The following SORCS2 variants were observed in gnomAD, a reference collection of about 807,000 sequenced individuals.
The protein encoded by SORCS2 is sortilin related VPS10 domain containing receptor 2.
A neutral mutation model predicts 141.6 loss-of-function variants in SORCS2; 100 were observed. The observed-to-expected ratio is 0.71, with a 90% CI of 0.60 to 0.83. The LOEUF (loss-of-function observed/expected upper bound fraction) is 0.83. Among genes scored for constraint, SORCS2 ranks in the 40% least tolerant of loss-of-function variants. SORCS2 has a pLI of 0.00. For synonymous variants in SORCS2, 789 were observed against 676.9 expected (o/e 1.17, Z -2.57); for missense variants, 1,646 against 1,560.2 (o/e 1.05, Z -0.93).
intron 1 of SORCS2, among the ~76,000 whole-genome samples, chr4:7,357,576 T>C (rs949272585): frequency 1.3e-4 from 20 of 152,236 alleles, no homozygotes; most frequent in Non-Finnish European, 1.9e-4. Flanking sequence ...TGAGTGATAA[T>C]TCTGCCCTTT....
rs1337992828 is a variant in SORCS2 at position 7,373,476 on chromosome 4, ATATTTTTTTTTTTTTTTT to A, written c.481-22810_481-22793del. ...GAAACTTTTATATATATATATATAT[ATATTTTTTTTTTTTTTTT>A]TTTTTTTTTTTTGAGTCGGGGTCTC... On this transcript the variant is annotated intron_variant, in intron 1 of 26. Coordinates refer to ENST00000507866, the MANE Select transcript of SORCS2 (RefSeq NM_020777.3). Among the ~76,000 whole-genome samples, 14 of 44,586 alleles carry A rather than the reference ATATTTTTTTTTTTTTTTT, an allele frequency of 3.1e-4. No individual in the cohort carries two copies. In the Admixed American group the frequency reaches 4.4e-3, roughly 14 times the overall value. 29.3% of individuals were successfully genotyped at this position (44,586 alleles called of 152,430 possible).
chr4:7,697,431 C>T (rs1458525573), intron 12 of SORCS2, among the ~76,000 whole-genome samples, 157 bp downstream of exon 12: 2 of 152,218 alleles, frequency 1.3e-5, no homozygotes, highest in Non-Finnish European at 2.9e-5. Context: ...GGAGCCAGGG[C>T]TCACTTTAGC....
intron 2 of SORCS2, chr4:7,434,388 C>A: frequency 1.9e-6 from 3 of 1,607,086 alleles, no homozygotes; most frequent in Non-Finnish European, 2.5e-6. Flanking sequence ...TGGCCATGAA[C>A]GGAGCCACAG....
In SORCS2 at chr4:7,740,489, G is replaced by T; in HGVS notation, c.*225G>T. ...CCCGGACATGGCCCTGCCCCTATGG[G>T]ACACCAGGCCTGACTCAGGCAGGTT... On this transcript the variant is annotated 3_prime_UTR_variant, in exon 27 of 27. Transcript: ENST00000507866. The T allele has an allele frequency of 1.8e-6, 1 of 567,996 alleles. No homozygotes were observed. Among genetic ancestry groups the T allele is most frequent in the Non-Finnish European group, 3.2e-6 (1 of 315,386 alleles). 35.2% of individuals were successfully genotyped at this position (567,996 alleles called of 1,614,324 possible). A position where few individuals can be genotyped will look rare whatever the true frequency, so the allele number is the denominator to read the frequency against.
chr4:7,415,890 C>CT, intron 2 of SORCS2, among the ~76,000 whole-genome samples: 1 of 152,342 alleles, frequency 6.6e-6, no homozygotes. Context: ...GTTGAGGGCC[C>CT]TGCAGAAGAG....
At chr4:7,714,843 C>T (rs1726084785) in intron 16 of SORCS2, among the ~76,000 whole-genome samples, 1 of 152,210 alleles carries the variant, frequency 6.6e-6, no homozygotes, top group African/African-American at 2.4e-5. Context: ...GCATTGCAGC[C>T]TCCTCCACCT....
At chr4:7,613,726 C>G (rs1181242006) in intron 3 of SORCS2, among the ~76,000 whole-genome samples, 1 of 152,134 alleles carries the variant, frequency 6.6e-6, no homozygotes, top group Non-Finnish European at 1.5e-5. Context: ...GTGTGAGGCC[C>G]TGGATGGCCA....
At chr4:7,219,282 C>T (rs1728556784) in intron 1 of SORCS2, among the ~76,000 whole-genome samples, 1 of 152,020 alleles carries the variant, frequency 6.6e-6, no homozygotes, top group African/African-American at 2.4e-5. Context: ...ATGCGACAGC[C>T]TGTGTCAATA....
chr4:7,450,816 A>G (rs530386420), intron 2 of SORCS2, among the ~76,000 whole-genome samples: 298 of 152,312 alleles, frequency 2.0e-3, no homozygotes, highest in African/African-American at 7.0e-3. Context: ...GGAATGAGGA[A>G]TGAGTGTGTG....
intron 3 of SORCS2, among the ~76,000 whole-genome samples, chr4:7,574,758 G>A (rs1178293264): frequency 6.6e-6 from 1 of 152,176 alleles, no homozygotes; most frequent in Non-Finnish European, 1.5e-5. Flanking sequence ...GAGGAAGGGC[G>A]GCTCCTCTGA....
At chr4:7,428,211 A>T (rs1429185169) in intron 2 of SORCS2, among the ~76,000 whole-genome samples, 1 of 152,176 alleles carries the variant, frequency 6.6e-6, no homozygotes, top group Non-Finnish European at 1.5e-5. Context: ...TTATTGAAAG[A>T]TGGGCTCCAT....
chr4:7,549,157 G>T (rs907937461), intron 3 of SORCS2, among the ~76,000 whole-genome samples: 1 of 152,182 alleles, frequency 6.6e-6, no homozygotes, highest in Non-Finnish European at 1.5e-5. Flanking sequence ...CCACAGAGGA[G>T]CCCAGCAAGC....
chr4:7,507,351 T>C (rs1732332319), intron 2 of SORCS2, among the ~76,000 whole-genome samples: 1 of 152,028 alleles, frequency 6.6e-6, no homozygotes, highest in African/African-American at 2.4e-5. Context: ...ATTTTTTGTA[T>C]TTTAGTAGAG....
intron 1 of SORCS2, among the ~76,000 whole-genome samples, chr4:7,324,442 G>A (rs144723891): frequency 1.3e-5 from 2 of 152,344 alleles, no homozygotes; most frequent in South Asian, 2.1e-4. Flanking sequence ...GGAAGGGACC[G>A]TCTGCCGGCG....
intron 1 of SORCS2, among the ~76,000 whole-genome samples, chr4:7,373,489 T>G (rs1339281419): frequency 2.3e-5 from 1 of 42,794 alleles, no homozygotes; most frequent in Non-Finnish European, 5.9e-5. Context: ...TTTTTTTTTT[T>G]TTTTTTTTTT....
intron 2 of SORCS2, among the ~76,000 whole-genome samples, chr4:7,527,483 C>A (rs534940155): frequency 6.6e-6 from 1 of 152,118 alleles, no homozygotes; most frequent in Non-Finnish European, 1.5e-5. Context: ...GGCCTCGGGG[C>A]GAGGACTGCA....
chr4:7,367,014 C>T (rs1219904138), intron 1 of SORCS2, among the ~76,000 whole-genome samples: 1 of 152,180 alleles, frequency 6.6e-6, no homozygotes, highest in Non-Finnish European at 1.5e-5. Context: ...AGTGAGCTTC[C>T]CAAGCCGGCT....
At chr4:7,724,954 T>A (rs1727092668) in intron 19 of SORCS2, among the ~76,000 whole-genome samples, 200 bp from the exon 20 acceptor site, 1 of 91,378 alleles carries the variant, frequency 1.1e-5, no homozygotes, top group Non-Finnish European at 2.3e-5. Flanking sequence ...GTGGTGGTGT[T>A]GGTGATGGTG....
At chr4:7,288,307 G>T (rs1249569012) in intron 1 of SORCS2, among the ~76,000 whole-genome samples, 5 of 152,076 alleles carry the variant, frequency 3.3e-5, no homozygotes, top group Non-Finnish European at 7.4e-5. Flanking sequence ...GGGCCCCGTG[G>T]TCCTACCTCC....
Sources: allele counts gnomAD v4.1 joint callset (sites outside exome capture counted in the v4.1 genomes callset), GRCh38; gene constraint gnomAD v4.1.1; transcripts MANE v1.5; gene names NCBI Gene and HGNC (gene_info 2026-07-23, HGNC 2026-07-21).